NUP62CL: variants seen among roughly 807,000 people sequenced by gnomAD.
The protein encoded by NUP62CL is nucleoporin-62 C-terminal-like protein.
In NUP62CL, 13 loss-of-function variants were observed where a neutral mutation model predicts 15.3. That is an observed-to-expected ratio of 0.85 (90% CI 0.55 to 1.35). The LOEUF (loss-of-function observed/expected upper bound fraction) is 1.35. NUP62CL is among the 40% of genes most tolerant of loss of function. The probability of loss-of-function intolerance (pLI) is 0.00; values close to 1 mark genes in which losing one functional copy is unlikely to be tolerated. For synonymous variants in NUP62CL, 54 were observed against 49.2 expected (o/e 1.10, Z -0.41); for missense variants, 123 against 130.6 (o/e 0.94, Z 0.28).
At position 107,175,162 on chromosome X, in the gene NUP62CL, G is replaced by A; in HGVS notation, c.-16C>T. On this transcript the variant is annotated 5_prime_UTR_variant, in exon 3 of 9. Coordinates refer to ENST00000372466, the MANE Select transcript of NUP62CL (RefSeq NM_017681.3). ...TAAACTGCATGGTGCTTGAACTAGT[G>A]GTGGTGGCAACAGCAGCTGCTGGAG... 1 of 1,166,361 alleles carries A rather than the reference G, an allele frequency of 8.6e-7. No homozygotes were observed. The highest frequency in any genetic ancestry group is 1.2e-6 in the Non-Finnish European group (1 of 865,005).
At chrX:107,147,395 A>G (rs780625805) in intron 8 of NUP62CL, among the ~76,000 whole-genome samples, 1 of 111,063 alleles carries the variant, frequency 9.0e-6, no homozygotes, top group East Asian at 2.8e-4. Context: ...CTTCCTTCTC[A>G]TTATTTTTGA....
At chrX:107,134,678 T>A (rs1183188937) in intron 8 of NUP62CL, among the ~76,000 whole-genome samples, 3 of 110,160 alleles carry the variant, frequency 2.7e-5, no homozygotes, top group Non-Finnish European at 5.7e-5. Context: ...GGTGTCGGAC[T>A]CATGAGCTCA....
At chrX:107,163,179 T>G (rs977699123) in intron 4 of NUP62CL, among the ~76,000 whole-genome samples, 1 of 111,810 alleles carries the variant, frequency 8.9e-6, no homozygotes, top group African/African-American at 3.3e-5. Flanking sequence ...TGATGTGATA[T>G]TCAATGTACA....
intron 2 of NUP62CL, among the ~76,000 whole-genome samples, chrX:107,188,065 A>G (rs765162914): frequency 1.5e-4 from 17 of 111,697 alleles, no homozygotes; most frequent in Non-Finnish European, 2.8e-4. Context: ...AAACAGGAGA[A>G]CTCATTTTAT....
intron 2 of NUP62CL, among the ~76,000 whole-genome samples, chrX:107,189,951 C>T (rs1314145643): frequency 1.1e-5 from 1 of 91,981 alleles, no homozygotes; most frequent in Admixed American, 1.2e-4. Context: ...GAAAGAGAAT[C>T]GATACAGACA....
intron 2 of NUP62CL, among the ~76,000 whole-genome samples, chrX:107,176,770 C>A (rs970022913): frequency 3.6e-5 from 4 of 111,161 alleles, no homozygotes; most frequent in African/African-American, 1.3e-4. Flanking sequence ...AAATCCAATA[C>A]CCTTTCATGG....
chrX:107,130,611 CAG>C (rs1176946046), intron 8 of NUP62CL, among the ~76,000 whole-genome samples: 1 of 111,452 alleles, frequency 9.0e-6, no homozygotes, highest in Non-Finnish European at 1.9e-5. Context: ...CTATAGAAGA[CAG>C]ACCATAGCCG....
chrX:107,192,589 C>T (rs1247918050), intron 2 of NUP62CL, among the ~76,000 whole-genome samples: 1 of 111,359 alleles, frequency 9.0e-6, no homozygotes, highest in Non-Finnish European at 1.9e-5. Context: ...CCATGTTACC[C>T]AGGCTGGTCT....
intron 2 of NUP62CL, among the ~76,000 whole-genome samples, chrX:107,177,735 T>C (rs193183232): frequency 3.7e-3 from 417 of 111,604 alleles, no homozygotes; most frequent in Admixed American, 6.2e-3. Context: ...CAAGTGTTGA[T>C]GAGGATCCTG....
At chrX:107,129,136 A>G (rs1279764106) in intron 8 of NUP62CL, among the ~76,000 whole-genome samples, 1 of 112,329 alleles carries the variant, frequency 8.9e-6, no homozygotes, top group Non-Finnish European at 1.9e-5. Context: ...TAAAATCGTA[A>G]GGACAAAAAC....
chrX:107,126,167 A>T (rs928392604), intron 8 of NUP62CL, among the ~76,000 whole-genome samples: 4 of 112,567 alleles, frequency 3.6e-5, no homozygotes, highest in African/African-American at 1.3e-4. Flanking sequence ...CTTAGGAATA[A>T]ACTTAACAAA....
chrX:107,183,671 T>A (rs1322526204), intron 2 of NUP62CL, among the ~76,000 whole-genome samples: 2 of 110,339 alleles, frequency 1.8e-5, no homozygotes, highest in African/African-American at 6.6e-5. Context: ...AACAAAAAAG[T>A]CTGCTTTTTT....
intron 8 of NUP62CL, among the ~76,000 whole-genome samples, chrX:107,146,682 T>A (rs1299534243): frequency 9.0e-6 from 1 of 111,656 alleles, no homozygotes; most frequent in Non-Finnish European, 1.9e-5. Flanking sequence ...AGATTTTATT[T>A]TCCCTCAATC....
At chrX:107,198,546 G>A (rs1206910067) in intron 1 of NUP62CL, among the ~76,000 whole-genome samples, 2 of 111,919 alleles carry the variant, frequency 1.8e-5, no homozygotes, top group African/African-American at 6.5e-5. Context: ...CCTGAAGCCA[G>A]TGAGACCACG....
chrX:107,157,890 T>C (rs1426889918), intron 4 of NUP62CL, among the ~76,000 whole-genome samples: 2 of 109,610 alleles, frequency 1.8e-5, no homozygotes, highest in Admixed American at 1.9e-4. Flanking sequence ...ACCCATCTCA[T>C]GTGCAGAGAC....
intron 8 of NUP62CL, among the ~76,000 whole-genome samples, chrX:107,125,624 A>AT (rs777749736): frequency 9.0e-6 from 1 of 111,600 alleles, no homozygotes; most frequent in African/African-American, 3.3e-5. Context: ...CTGGCAAACT[A>AT]TATCTCCTTT....
At chrX:107,167,847 C>A in intron 3 of NUP62CL, 63 bp from the exon 4 acceptor site, 1 of 1,043,838 alleles carries the variant, frequency 9.6e-7, no homozygotes, top group Non-Finnish European at 1.3e-6. Flanking sequence ...AAGCCTTGAT[C>A]ATTCAGATTT....
intron 4 of NUP62CL, among the ~76,000 whole-genome samples, chrX:107,164,765 C>A (rs1926468372): frequency 8.9e-6 from 1 of 112,523 alleles, no homozygotes; most frequent in Non-Finnish European, 1.9e-5. Context: ...GTTCTAGAAC[C>A]ACTAAAGAAA....
At chrX:107,162,771 T>C (rs907469666) in intron 4 of NUP62CL, among the ~76,000 whole-genome samples, 12 of 112,049 alleles carry the variant, frequency 1.1e-4, no homozygotes, top group African/African-American at 3.9e-4. Flanking sequence ...CCAACCCTTT[T>C]GGCACCAGGA....
Sources: allele counts gnomAD v4.1 joint callset (sites outside exome capture counted in the v4.1 genomes callset), GRCh38; gene constraint gnomAD v4.1.1; transcripts MANE v1.5; gene names NCBI Gene and HGNC (gene_info 2026-07-23, HGNC 2026-07-21).